Variants in ABHD16A observed in about 807,000 individuals in gnomAD.
The protein encoded by ABHD16A is phosphatidylserine lipase ABHD16A.
In ABHD16A, 47 loss-of-function variants were observed where a neutral mutation model predicts 89.8. The ratio of observed to expected loss-of-function variants is 0.52; its 90% CI spans 0.41 to 0.67. The LOEUF (loss-of-function observed/expected upper bound fraction) is 0.67. Ranked by LOEUF, ABHD16A falls within the 30% of genes least tolerant of loss-of-function variation. The probability of loss-of-function intolerance (pLI) is 0.00; values close to 1 mark genes in which losing one functional copy is unlikely to be tolerated. For missense variants in ABHD16A, 580 were observed against 734.6 expected (o/e 0.79, Z 2.43); for synonymous variants, 251 against 280.4 (o/e 0.90, Z 1.05).
Position 31,693,259 on chromosome 6 carries a change from G to A in ABHD16A, c.503+100C>T, listed in dbSNP as rs1804084445. ...AACGACATAATGGCATTGGAAGGCA[G>A]GCACTGTGACCTGAGAGGGCATGGA... is the stretch of plus-strand genomic sequence containing the variant. On this transcript the variant is annotated intron_variant, in intron 6 of 19. Transcript: ENST00000395952. This position sits in a 1 kb window ranked among gnomAD's most constrained non-coding sequence, Gnocchi z 5.0. The A allele has an allele frequency of 6.3e-7, 1 of 1,587,654 alleles. No individual in the cohort carries two copies. The highest frequency in any genetic ancestry group is 8.6e-7 in the Non-Finnish European group (1 of 1,160,878).
intron 5 of ABHD16A, among the ~76,000 whole-genome samples, chr6:31,694,947 G>A (rs566231159): frequency 1.3e-5 from 2 of 152,142 alleles, no homozygotes; most frequent in Admixed American, 6.6e-5. Flanking sequence ...CTATGACTCC[G>A]AATGGGTCAC....
At chr6:31,700,041 C>A (rs1379970173) in intron 4 of ABHD16A, among the ~76,000 whole-genome samples, 2 of 152,170 alleles carry the variant, frequency 1.3e-5, no homozygotes, top group Non-Finnish European at 2.9e-5. Context: ...AGCCACTGCA[C>A]CTGGCTTCAT....
At chr6:31,691,103 C>T (rs755213373) in intron 9 of ABHD16A, among the ~76,000 whole-genome samples, 4 of 152,126 alleles carry the variant, frequency 2.6e-5, no homozygotes, top group Non-Finnish European at 5.9e-5. Context: ...TCCCTAGACT[C>T]CTGGCTTAGC....
At chr6:31,700,483 G>C (rs1326536209) in intron 4 of ABHD16A, among the ~76,000 whole-genome samples, 2 of 152,222 alleles carry the variant, frequency 1.3e-5, no homozygotes, top group African/African-American at 4.8e-5. Context: ...TTCCAGCTTA[G>C]GATTATTACA....
At chr6:31,691,965 G>T in intron 7 of ABHD16A, 47 bp from the exon 8 acceptor site, 1 of 1,469,900 alleles carries the variant, frequency 6.8e-7, no homozygotes, top group South Asian at 1.3e-5. Context: ...TGAGGCCTGG[G>T]GACTGTGCTG....
Position 31,688,687 on chromosome 6 carries a change from G to A in ABHD16A, c.1250+36C>T, listed in dbSNP as rs764427188. 10 of 1,609,676 alleles carry A rather than the reference G, an allele frequency of 6.2e-6. No homozygotes were observed. Among genetic ancestry groups the A allele is most frequent in the Non-Finnish European group, 8.5e-6 (10 of 1,177,638 alleles). ...AGCGCCCAGCAGAGCTGTATGGGGG[G>A]CAGGTGTTCAATGCCGGACGCTGGC... On this transcript the variant is annotated intron_variant, in intron 14 of 19. Coordinates refer to ENST00000395952, the MANE Select transcript of ABHD16A (RefSeq NM_021160.3). This position sits in a 1 kb window ranked among gnomAD's most constrained non-coding sequence, Gnocchi z 4.9.
In ABHD16A at chr6:31,688,011, C is replaced by A. The variant is rs1000470101; in HGVS notation, c.1370+30G>T. 2.5e-6 allele frequency: 4 copies of A among 1,610,834 alleles called. No individual in the cohort carries two copies. Among genetic ancestry groups the A allele is most frequent in the South Asian group, 2.2e-5 (2 of 90,910 alleles). On this transcript the variant is annotated intron_variant, in intron 16 of 19. Coordinates refer to ENST00000395952, the MANE Select transcript of ABHD16A (RefSeq NM_021160.3). The surrounding 1 kb of genome is among the most constrained non-coding windows in gnomAD (Gnocchi z 4.9). Reference sequence around the variant, plus strand: ...TATCAGTATCTGTGTGTGTACACTGCCCCCAGCGCGCACACACCCTGGCTC... The same window carrying A: ...TATCAGTATCTGTGTGTGTACACTGACCCCAGCGCGCACACACCCTGGCTC...
At position 31,693,240 on chromosome 6, in the gene ABHD16A, A is replaced by G; in HGVS notation, c.504-91T>C. 1 of 1,588,746 alleles carries G rather than the reference A, an allele frequency of 6.3e-7. No individual in the cohort carries two copies. The highest frequency in any genetic ancestry group is 8.6e-7 in the Non-Finnish European group (1 of 1,162,876). ...GAGAACAGTGGGGTCTAGGAACGAC[A>G]TAATGGCATTGGAAGGCAGGCACTG... is the stretch of plus-strand genomic sequence containing the variant. On this transcript the variant is annotated intron_variant, in intron 6 of 19. Transcript: ENST00000395952. The surrounding 1 kb of genome is among the most constrained non-coding windows in gnomAD (Gnocchi z 5.0).
At chr6:31,695,271 C>T (rs1028574869) in intron 5 of ABHD16A, among the ~76,000 whole-genome samples, 1 of 152,224 alleles carries the variant, frequency 6.6e-6, no homozygotes, top group African/African-American at 2.4e-5. Context: ...CCTAGCTTTT[C>T]TCCCTCCTGG....
intron 2 of ABHD16A, 96 bp from the exon 3 acceptor site, chr6:31,701,436 C>T (rs1804982630): frequency 3.0e-6 from 3 of 992,422 alleles, no homozygotes; most frequent in Non-Finnish European, 4.7e-6. Context: ...AGATGGACAA[C>T]CTGAGGGATA....
chr6:31,703,297 C>G lies in ABHD16A; in HGVS notation c.-16G>C. On this transcript the variant is annotated 5_prime_UTR_variant, in exon 1 of 20. Transcript: ENST00000395952. ...GCTTCGCCATGGCCCCGGCTCGGGC[C>G]GCTGCTCTTCCAGCAGCAGGTCCCC... 1 of 1,341,658 alleles carries G rather than the reference C, an allele frequency of 7.5e-7. No individual in the cohort carries two copies. The highest frequency in any genetic ancestry group is 9.7e-7 in the Non-Finnish European group (1 of 1,034,722). 83.1% of individuals were successfully genotyped at this position (1,341,658 alleles called of 1,614,324 possible).
rs1383756047 is a variant in ABHD16A, at chr6:31,690,655, C to A, written c.844-53G>T. The A allele has an allele frequency of 3.2e-6, 5 of 1,566,298 alleles. No individual in the cohort carries two copies. Among genetic ancestry groups the A allele is most frequent in the South Asian group, 2.2e-5 (2 of 90,144 alleles). On this transcript the variant is annotated intron_variant, in intron 9 of 19. Coordinates refer to ENST00000395952, the MANE Select transcript of ABHD16A (RefSeq NM_021160.3). This position sits in a 1 kb window ranked among gnomAD's most constrained non-coding sequence, Gnocchi z 4.1. The stretch of plus-strand genomic sequence containing the variant: ...GGGGGGCCAAGTTGGGACTGAAAAA[C>A]TCCCTTTGGGCAGGGAGGGCAGCCC...
In ABHD16A at chr6:31,688,234, T is replaced by G; in HGVS notation, c.1307+15A>C. 6.2e-7 allele frequency: 1 copy of G among 1,612,598 alleles called. No individual in the cohort carries two copies. The highest frequency in any genetic ancestry group is 1.3e-5 in the African/African-American group (1 of 75,014). On this transcript the variant is annotated intron_variant, in intron 15 of 19. Transcript: ENST00000395952. This position sits in a 1 kb window ranked among gnomAD's most constrained non-coding sequence, Gnocchi z 4.9. ...TCTCTGGGGTTCCTGAGGGCCGAGA[T>G]TCCCACGCACTCACGTGGTGGTGAT...
chr6:31,694,144 C>T (rs1804165133), intron 5 of ABHD16A, among the ~76,000 whole-genome samples: 1 of 151,526 alleles, frequency 6.6e-6, no homozygotes, highest in Admixed American at 6.6e-5. Context: ...CAGCCTCAAA[C>T]TCCCAGGCCC....
intron 5 of ABHD16A, among the ~76,000 whole-genome samples, chr6:31,694,387 CTTTTTT>C (rs1190272819): frequency 1.3e-5 from 1 of 77,704 alleles, no homozygotes; most frequent in African/African-American, 5.4e-5. Context: ...GGAGCTGTGT[CTTTTTT>C]TTTTTTTTTT....
chr6:31,696,200 G>T (rs1336969333), intron 5 of ABHD16A, among the ~76,000 whole-genome samples: 5 of 151,490 alleles, frequency 3.3e-5, no homozygotes, highest in Admixed American at 3.3e-4. Context: ...GCGTGGTGGT[G>T]TGCACCTGTA....
chr6:31,698,251 GAA>G lies in ABHD16A; in HGVS notation c.344-1220_344-1219del, dbSNP rs9281556. On this transcript the variant is annotated intron_variant, in intron 4 of 19. Coordinates refer to ENST00000395952, the MANE Select transcript of ABHD16A (RefSeq NM_021160.3). The surrounding 1 kb of genome is among the most constrained non-coding windows in gnomAD (Gnocchi z 4.1). ...ATATGTTTCATAAAAGTATGTGCCAGAAAAAAAAAAAACCCACACCAAATGAC... is the reference window on the plus strand; with the variant it reads ...ATATGTTTCATAAAAGTATGTGCCAGAAAAAAAAAACCCACACCAAATGAC... 7.1e-6 allele frequency among the ~76,000 whole-genome samples: 1 copy of G among 141,222 alleles called. No homozygotes were observed. The allele number at this position is 141,222 out of a possible 152,430, so 92.6% of individuals were successfully genotyped here. A position where few individuals can be genotyped will look rare whatever the true frequency, so the allele number is the denominator to read the frequency against.
intron 1 of ABHD16A, 77 bp from the exon 2 acceptor site, chr6:31,702,207 T>A: frequency 7.1e-7 from 1 of 1,405,994 alleles, no homozygotes; most frequent in Non-Finnish European, 1.0e-6. Context: ...AGCCCTGCTG[T>A]GTGTCCTCTG....
At position 31,690,688 on chromosome 6, in the gene ABHD16A, G is replaced by T; in HGVS notation, c.844-86C>A. The T allele has an allele frequency of 8.2e-7, 1 of 1,219,750 alleles. No homozygotes were observed. Among genetic ancestry groups the T allele is most frequent in the Non-Finnish European group, 1.2e-6 (1 of 824,550 alleles). The allele number at this position is 1,219,750 out of a possible 1,614,324, so 75.6% of individuals were successfully genotyped here. On this transcript the variant is annotated intron_variant, in intron 9 of 19. Transcript: ENST00000395952. The surrounding 1 kb of genome is among the most constrained non-coding windows in gnomAD (Gnocchi z 4.1). The stretch of plus-strand genomic sequence containing the variant: ...GGGCAGGGAGGGCAGCCCATGAAGA[G>T]CTTTGCAGGGAAGAGGAAAGGGCAG...
Sources: allele counts gnomAD v4.1 joint callset (sites outside exome capture counted in the v4.1 genomes callset), GRCh38; gene constraint gnomAD v4.1.1; non-coding constraint Gnocchi (gnomAD v3.1); transcripts MANE v1.5; gene names NCBI Gene and HGNC (gene_info 2026-07-23, HGNC 2026-07-21).